PARD3B: variants seen among roughly 807,000 people sequenced by gnomAD.
PARD3B encodes the protein par-3 family cell polarity regulator beta, also known as partitioning defective 3 homolog B.
PARD3B carries 103 observed loss-of-function variants against 130.2 expected under a neutral mutation model. The observed-to-expected ratio is 0.79, with a 90% confidence interval of 0.67 to 0.93. The LOEUF (loss-of-function observed/expected upper bound fraction) is 0.93. Ranked by LOEUF, PARD3B falls within the 40% of genes least tolerant of loss-of-function variation. PARD3B has a pLI of 0.00. For synonymous variants in PARD3B, 583 were observed against 553.2 expected (o/e 1.05, Z -0.76); for missense variants, 1,609 against 1,499.2 (o/e 1.07, Z -1.21).
At chr2:204,824,040 C>G (rs1170847583) in intron 2 of PARD3B, among the ~76,000 whole-genome samples, 1 of 151,990 alleles carries the variant, frequency 6.6e-6, no homozygotes, top group Non-Finnish European at 1.5e-5. Flanking sequence ...GGTGGGAGTT[C>G]TGAAGATAAA....
At chr2:205,210,979 T>G (rs1281826676) in intron 15 of PARD3B, among the ~76,000 whole-genome samples, 1 of 152,238 alleles carries the variant, frequency 6.6e-6, no homozygotes. Context: ...CATTTAAATG[T>G]TACCCTCTCT....
At chr2:205,225,210 T>C (rs760537920) in intron 15 of PARD3B, among the ~76,000 whole-genome samples, 1 of 152,230 alleles carries the variant, frequency 6.6e-6, no homozygotes, top group Non-Finnish European at 1.5e-5. Context: ...TTGTACTAAT[T>C]TACATTCCCA....
chr2:205,025,119 G>A (rs1696917585), intron 3 of PARD3B, among the ~76,000 whole-genome samples: 1 of 152,126 alleles, frequency 6.6e-6, no homozygotes, highest in Admixed American at 6.6e-5. Context: ...GTGGAATATT[G>A]AGCTTCCCCA....
chr2:205,034,067 A>G (rs1697621556), intron 3 of PARD3B, among the ~76,000 whole-genome samples: 1 of 152,176 alleles, frequency 6.6e-6, no homozygotes, highest in South Asian at 2.1e-4. Flanking sequence ...AGTTGAGGGG[A>G]AACAAACCAG....
chr2:204,998,086 A>T (rs943508185), intron 3 of PARD3B, among the ~76,000 whole-genome samples: 13 of 149,284 alleles, frequency 8.7e-5, no homozygotes, highest in Admixed American at 4.0e-4. Flanking sequence ...AGTACTGGAG[A>T]TCTTAACATA....
chr2:205,542,701 C>T (rs974198241), intron 21 of PARD3B, among the ~76,000 whole-genome samples: 6 of 152,096 alleles, frequency 3.9e-5, no homozygotes, highest in Non-Finnish European at 8.8e-5. Flanking sequence ...TTATTGTATA[C>T]GGTTCCTCTC....
At chr2:205,221,600 A>G (rs11899432) in intron 15 of PARD3B, among the ~76,000 whole-genome samples, 2,835 of 152,182 alleles carry the variant, frequency 0.019, 88 homozygotes, top group African/African-American at 0.063. Flanking sequence ...TTTCCCTTGT[A>G]TCTTCTTTCT....
rs554502561 is a variant in PARD3B at position 205,485,786 on chromosome 2, A to G, written c.3045-14110A>G. On this transcript the variant is annotated intron_variant, in intron 20 of 22. Coordinates refer to ENST00000406610, the MANE Select transcript of PARD3B (RefSeq NM_001302769.2). ...CCCTTTCATGTGGCCACTCCATTTC[A>G]AGTGGTGTTCCTTCCAGCTGGCATG... is the stretch of plus-strand genomic sequence containing the variant. Among the ~76,000 whole-genome samples the G allele has an allele frequency of 2.0e-5, 3 of 152,074 alleles. No individual in the cohort carries two copies. The South Asian group carries it at 6.2e-4, about 32-fold the overall frequency.
intron 3 of PARD3B, among the ~76,000 whole-genome samples, chr2:205,043,989 A>G (rs1448691148): frequency 1.6e-5 from 2 of 127,630 alleles, no homozygotes; most frequent in Non-Finnish European, 1.6e-5. Context: ...CCAGAGTGTG[A>G]TGTTCCCCTT....
chr2:205,614,299 G>A (rs2055342021), intron 22 of PARD3B, among the ~76,000 whole-genome samples: 1 of 152,180 alleles, frequency 6.6e-6, no homozygotes, highest in African/African-American at 2.4e-5. Flanking sequence ...GTTTCTGTGT[G>A]CCTTACCCAT....
intron 4 of PARD3B, among the ~76,000 whole-genome samples, chr2:205,101,512 G>C (rs1702789790): frequency 6.6e-6 from 1 of 152,130 alleles, no homozygotes. Context: ...TACCATATGA[G>C]CAACAATTCC....
intron 2 of PARD3B, among the ~76,000 whole-genome samples, chr2:204,952,512 T>G (rs924472908): frequency 6.6e-6 from 1 of 151,938 alleles, no homozygotes; most frequent in South Asian, 2.1e-4. Context: ...ATGAAAAATT[T>G]TACATCATAA....
intron 2 of PARD3B, among the ~76,000 whole-genome samples, chr2:204,781,557 A>G (rs1211863644): frequency 6.6e-6 from 1 of 152,130 alleles, no homozygotes; most frequent in Non-Finnish European, 1.5e-5. Context: ...GATTTTGGCA[A>G]TAAGGATTCA....
In PARD3B at chr2:205,592,340, T is replaced by A. The variant is rs1457874305; in HGVS notation, c.3261-23116T>A. 6.6e-6 allele frequency among the ~76,000 whole-genome samples: 1 copy of A among 152,166 alleles called. No individual in the cohort carries two copies. Among genetic ancestry groups the A allele is most frequent in the African/African-American group, 2.4e-5 (1 of 41,430 alleles). On this transcript the variant is annotated intron_variant, in intron 22 of 22. Coordinates refer to ENST00000406610, the MANE Select transcript of PARD3B (RefSeq NM_001302769.2). The surrounding 1 kb of genome is among the most constrained non-coding windows in gnomAD (Gnocchi z 4.5). The stretch of plus-strand genomic sequence containing the variant: ...AGGCAACAAGCAAGATGCCAGTCAC[T>A]GGGAGAGAAAGGGATGAGGCTGAAA...
At chr2:205,164,492 A>G (rs1359311671) in intron 11 of PARD3B, among the ~76,000 whole-genome samples, 1 of 152,004 alleles carries the variant, frequency 6.6e-6, no homozygotes, top group Non-Finnish European at 1.5e-5. Context: ...CCATAATTCC[A>G]GCATCTATCA....
intron 16 of PARD3B, among the ~76,000 whole-genome samples, chr2:205,259,562 T>TCGG: frequency 6.6e-6 from 1 of 150,564 alleles, no homozygotes; most frequent in African/African-American, 2.4e-5. Flanking sequence ...ATTATCCTTC[T>TCGG]TGGTATGTGG....
intron 22 of PARD3B, among the ~76,000 whole-genome samples, chr2:205,580,644 A>C (rs900716543): frequency 1.3e-5 from 2 of 152,246 alleles, no homozygotes; most frequent in African/African-American, 4.8e-5. Flanking sequence ...GTCTTACTCT[A>C]TATGACTGCA....
chr2:205,302,099 C>T (rs550797730), intron 18 of PARD3B, among the ~76,000 whole-genome samples: 74 of 102,072 alleles, frequency 7.2e-4, no homozygotes, highest in African/African-American at 2.3e-3. Context: ...GAGACAGTCG[C>T]GCTTTGTCGC....
intron 16 of PARD3B, among the ~76,000 whole-genome samples, chr2:205,270,861 G>A (rs1003169548): frequency 6.6e-6 from 1 of 152,040 alleles, no homozygotes; most frequent in African/African-American, 2.4e-5. Context: ...CCCCCAGACG[G>A]CTTTAACACA....
Sources: allele counts gnomAD v4.1 joint callset (sites outside exome capture counted in the v4.1 genomes callset), GRCh38; gene constraint gnomAD v4.1.1; non-coding constraint Gnocchi (gnomAD v3.1); transcripts MANE v1.5; gene names NCBI Gene and HGNC (gene_info 2026-07-23, HGNC 2026-07-21).